EVC: variants seen among roughly 807,000 people sequenced by gnomAD.
EVC encodes EvC ciliary complex subunit 1, also known as evC complex member EVC.
In EVC, 116 loss-of-function variants were observed where a neutral mutation model predicts 118.9. The ratio of observed to expected loss-of-function variants is 0.98; its 90% CI spans 0.84 to 1.14. The LOEUF is 1.14. Ranked by LOEUF, EVC falls within the 50% of genes most tolerant of loss-of-function variation. The pLI is 0.00. For synonymous variants in EVC, 619 were observed against 534.7 expected (o/e 1.16, Z -2.18); for missense variants, 1,401 against 1,246.4 (o/e 1.12, Z -1.87).
intron 2 of EVC, among the ~76,000 whole-genome samples, chr4:5,721,350 G>A (rs4356864): frequency 1 from 151,832 of 152,342 alleles, 75,662 homozygotes; most frequent in East Asian, 1. Context: ...GGGCCGATGG[G>A]TGCTACAACC....
chr4:5,769,055 T>C (rs1013464032), intron 11 of EVC, among the ~76,000 whole-genome samples: 1 of 152,060 alleles, frequency 6.6e-6, no homozygotes, highest in African/African-American at 2.4e-5. Flanking sequence ...ATACATTTGA[T>C]GGTCACCTAT....
At chr4:5,824,935 C>G in the EVC span, 7 of 985,360 alleles carry the variant, frequency 7.1e-6, no homozygotes, top group Non-Finnish European at 8.4e-6. Flanking sequence ...AATTTTGTTC[C>G]CACACATTTG....
chr4:5,758,561 T>C (rs538690332), intron 11 of EVC, among the ~76,000 whole-genome samples: 1 of 152,224 alleles, frequency 6.6e-6, no homozygotes, highest in Non-Finnish European at 1.5e-5. Flanking sequence ...AGGAACAACT[T>C]TGTCCCCAGA....
Position 5,755,743 on chromosome 4 carries a change from C to A in EVC, c.1465-521C>A, listed in dbSNP as rs1197783757. ...TCCTTCTGCCCCACCTCGCCCCTCG[C>A]TGATGCTCTGTTTAGGGCTGGCTGG... On this transcript the variant is annotated intron_variant, in intron 10 of 20. Transcript: ENST00000264956. The surrounding 1 kb of genome is among the most constrained non-coding windows in gnomAD (Gnocchi z 4.1). Among the ~76,000 whole-genome samples, 1 of 152,176 alleles carries A rather than the reference C, an allele frequency of 6.6e-6. No homozygotes were observed. Among genetic ancestry groups the A allele is most frequent in the South Asian group, 2.1e-4 (1 of 4,820 alleles).
downstream of EVC, among the ~76,000 whole-genome samples, chr4:5,814,733 A>G (rs563491250): frequency 3.3e-5 from 5 of 150,322 alleles, no homozygotes; most frequent in East Asian, 7.9e-4. Context: ...GCCTTTGCTC[A>G]TGATGTGCAT....
chr4:5,741,661 CA>C (rs1728595635), intron 5 of EVC, 54 bp from the exon 6 acceptor site: 3 of 1,087,468 alleles, frequency 2.8e-6, no homozygotes, highest in Non-Finnish European at 4.2e-6. Context: ...AAGCAAAAGA[CA>C]AAAATACCAT....
chr4:5,761,996 C>T lies in EVC; in HGVS notation c.1563+5634C>T, dbSNP rs371029682. ...ATACCTGTGCCATGCTGGTGCGCTG[C>T]ACCCACTAACTCGTCATCTAGCATT... is the stretch of plus-strand genomic sequence containing the variant. On this transcript the variant is annotated intron_variant, in intron 11 of 20. Transcript: ENST00000264956. Among the ~76,000 whole-genome samples the T allele has an allele frequency of 5.3e-5, 8 of 151,094 alleles. No homozygotes were observed. The East Asian group carries it at 1.6e-3, about 29-fold the overall frequency.
intron 11 of EVC, among the ~76,000 whole-genome samples, chr4:5,776,433 A>G (rs1292881628): frequency 6.6e-6 from 1 of 152,094 alleles, no homozygotes; most frequent in East Asian, 1.9e-4. Context: ...GAGTAGCATC[A>G]AGGTCATGGG....
chr4:5,787,968 T>C (rs988349217), intron 12 of EVC, among the ~76,000 whole-genome samples: 3 of 152,180 alleles, frequency 2.0e-5, no homozygotes, highest in Non-Finnish European at 4.4e-5. Context: ...AAACACCCGC[T>C]TGACTCTCTT....
rs901414539 is a variant in EVC, at chr4:5,741,882, G to A, written c.801+68G>A. ...TATTATAATATATACAACTTATGAT[G>A]CAAAAATTTTTTTCTTTCATGTATA... is the stretch of plus-strand genomic sequence containing the variant. On this transcript the variant is annotated intron_variant, in intron 6 of 20. Coordinates refer to ENST00000264956, the MANE Select transcript of EVC (RefSeq NM_153717.3). 9.7e-6 allele frequency: 8 copies of A among 824,676 alleles called. No homozygotes were observed. The South Asian group carries it at 1.3e-4, about 14-fold the overall frequency. The allele number at this position is 824,676 out of a possible 1,614,324, so 51.1% of individuals were successfully genotyped here. A position where few individuals can be genotyped will look rare whatever the true frequency, so the allele number is the denominator to read the frequency against.
chr4:5,827,589 G>C, the EVC span, among the ~76,000 whole-genome samples: 6 of 151,738 alleles, frequency 4.0e-5, no homozygotes, highest in South Asian at 2.1e-4. Flanking sequence ...CACACACACA[G>C]AGCTCACCAC....
intron 16 of EVC, 37 bp downstream of exon 16, chr4:5,802,131 C>A: frequency 6.2e-7 from 1 of 1,613,616 alleles, no homozygotes; most frequent in Non-Finnish European, 8.5e-7. Context: ...CCAGAAGAGA[C>A]TGGCAATGTG....
chr4:5,814,839 C>T (rs1450689492), downstream of EVC, among the ~76,000 whole-genome samples: 1 of 152,114 alleles, frequency 6.6e-6, no homozygotes, highest in Non-Finnish European at 1.5e-5. Flanking sequence ...TCCAGAGATC[C>T]CCCTCTGCCC....
rs1027990624 is a variant in EVC, at chr4:5,756,671, G to A, written c.1563+309G>A. The stretch of plus-strand genomic sequence containing the variant: ...CTCCCCAGGTGAGAAATAGGCCCAG[G>A]GTTTCTGGGTGTCATCAGTGTAAAG... On this transcript the variant is annotated intron_variant, in intron 11 of 20. Coordinates refer to ENST00000264956, the MANE Select transcript of EVC (RefSeq NM_153717.3). This position sits in a 1 kb window ranked among gnomAD's most constrained non-coding sequence, Gnocchi z 4.2. Among the ~76,000 whole-genome samples the A allele has an allele frequency of 1.3e-5, 2 of 152,202 alleles. No homozygotes were observed. Among genetic ancestry groups the A allele is most frequent in the African/African-American group, 4.8e-5 (2 of 41,444 alleles).
chr4:5,770,510 G>T (rs988746278), intron 11 of EVC, among the ~76,000 whole-genome samples: 3 of 152,138 alleles, frequency 2.0e-5, no homozygotes, highest in African/African-American at 7.2e-5. Flanking sequence ...CACTCAGCTG[G>T]GGCCTAGGAG....
chr4:5,814,793 C>T (rs150079014), downstream of EVC, among the ~76,000 whole-genome samples: 40 of 152,054 alleles, frequency 2.6e-4, no homozygotes, highest in East Asian at 7.6e-3. Flanking sequence ...CCCAGTGGCT[C>T]CTAGCCACTC....
chr4:5,818,026 T>A (rs1257867850), downstream of EVC, among the ~76,000 whole-genome samples: 1 of 152,224 alleles, frequency 6.6e-6, no homozygotes, highest in Non-Finnish European at 1.5e-5. Flanking sequence ...AAATCTCATC[T>A]TGAATTGTAG....
downstream of EVC, among the ~76,000 whole-genome samples, chr4:5,816,683 CTCCCT>C (rs1450312027): frequency 3.0e-4 from 45 of 148,928 alleles, no homozygotes; most frequent in Non-Finnish European, 4.5e-5. Context: ...CCTTCCCTCC[CTCCCT>C]TCCCTTCTCC....
the EVC span, chr4:5,825,882 C>T: frequency 1.4e-5 from 7 of 506,964 alleles, no homozygotes; most frequent in Non-Finnish European, 2.5e-5. The surrounding 1 kb of genome is among the most constrained non-coding windows in gnomAD (Gnocchi z 4.4). Context: ...TCTACATACC[C>T]ACATGCATAC....
Sources: allele counts gnomAD v4.1 joint callset (sites outside exome capture counted in the v4.1 genomes callset), GRCh38; gene constraint gnomAD v4.1.1; non-coding constraint Gnocchi (gnomAD v3.1); transcripts MANE v1.5; gene names NCBI Gene and HGNC (gene_info 2026-07-23, HGNC 2026-07-21).